Variants in KLHL2 observed in about 807,000 individuals in gnomAD.
KLHL2 encodes kelch like family member 2.
A neutral mutation model predicts 75.8 loss-of-function variants in KLHL2; 15 were observed. That is an observed-to-expected ratio of 0.20 (90% confidence interval 0.13 to 0.30). KLHL2 has a LOEUF of 0.30. KLHL2 is among the 10% of genes least tolerant of loss of function. The pLI is 1.00. For synonymous variants in KLHL2, 214 were observed against 251.9 expected (o/e 0.85, Z 1.42); for missense variants, 381 against 741.0 (o/e 0.51, Z 5.64).
intron 8 of KLHL2, among the ~76,000 whole-genome samples, chr4:165,300,316 A>T (rs1440159448): frequency 6.6e-6 from 1 of 151,794 alleles, no homozygotes; most frequent in East Asian, 1.9e-4. Flanking sequence ...AAAAAAAAAG[A>T]ATTATTTTGT....
intron 3 of KLHL2, among the ~76,000 whole-genome samples, chr4:165,236,185 G>A (rs910943861): frequency 2.6e-5 from 4 of 152,182 alleles, no homozygotes; most frequent in Non-Finnish European, 4.4e-5. Context: ...GAAGAGGAGA[G>A]AATCAAGGAT....
In KLHL2 at chr4:165,231,633, A is replaced by G. The variant is rs140479876; in HGVS notation, c.259+2720A>G. Among the ~76,000 whole-genome samples, 73 of 152,206 alleles carry G rather than the reference A, an allele frequency of 4.8e-4. 1 individual carries two copies. In the East Asian group the frequency reaches 0.011, roughly 24 times the overall value. ...GCTAAATAGCATTCTCTGTGGATAG[A>G]CTGCTTTTGACTTTCCATTTACCAG... is the stretch of plus-strand genomic sequence containing the variant. On this transcript the variant is annotated intron_variant, in intron 3 of 14. Coordinates refer to ENST00000226725, the MANE Select transcript of KLHL2 (RefSeq NM_007246.4).
intron 5 of KLHL2, among the ~76,000 whole-genome samples, chr4:165,288,437 G>T (rs1372193244): frequency 6.6e-6 from 1 of 152,024 alleles, no homozygotes; most frequent in Non-Finnish European, 1.5e-5. Flanking sequence ...TTGTTTTCTT[G>T]CATGGAGAGG....
At chr4:165,231,567 C>T (rs1304723678) in intron 3 of KLHL2, among the ~76,000 whole-genome samples, 1 of 152,116 alleles carries the variant, frequency 6.6e-6, no homozygotes, top group African/African-American at 2.4e-5. Context: ...GAGGTTCATC[C>T]GTGTCATAAA....
intron 7 of KLHL2, among the ~76,000 whole-genome samples, chr4:165,299,072 A>G (rs1315233615): frequency 6.6e-6 from 1 of 151,942 alleles, no homozygotes; most frequent in African/African-American, 2.4e-5. Flanking sequence ...TCTTTTTGGG[A>G]TATTTTACTT....
intron 5 of KLHL2, among the ~76,000 whole-genome samples, chr4:165,274,336 G>T (rs976374267): frequency 1.3e-5 from 2 of 152,062 alleles, no homozygotes; most frequent in African/African-American, 2.4e-5. Flanking sequence ...CGGGCTGGGC[G>T]CAGTGGCTCA....
chr4:165,312,268 G>A (rs1375718963), intron 11 of KLHL2, among the ~76,000 whole-genome samples: 1 of 152,084 alleles, frequency 6.6e-6, no homozygotes, highest in Admixed American at 6.5e-5. Context: ...ACTGTCAACT[G>A]ATTTTAACAG....
At position 165,212,316 on chromosome 4, in the gene KLHL2, G is replaced by T. The variant is rs567323976; in HGVS notation, c.26+4414G>T. On this transcript the variant is annotated intron_variant, in intron 1 of 14. Coordinates refer to ENST00000226725, the MANE Select transcript of KLHL2 (RefSeq NM_007246.4). ...GAATAATAGTTCAGATAGGGTCAGG[G>T]TGTCTTTGACGAGGTGATATTTTAG... Among the ~76,000 whole-genome samples the T allele has an allele frequency of 1.5e-4, 23 of 152,280 alleles. No individual in the cohort carries two copies. The South Asian group carries it at 4.1e-3, about 27-fold the overall frequency.
chr4:165,257,679 C>T (rs1447255366), intron 4 of KLHL2, among the ~76,000 whole-genome samples: 1 of 152,090 alleles, frequency 6.6e-6, no homozygotes, highest in East Asian at 1.9e-4. Context: ...GTAATTTTGT[C>T]TCAAAGGACA....
At chr4:165,269,760 T>G (rs1431969243) in intron 5 of KLHL2, among the ~76,000 whole-genome samples, 1 of 151,940 alleles carries the variant, frequency 6.6e-6, no homozygotes, top group African/African-American at 2.4e-5. Flanking sequence ...TTCCTTCATT[T>G]CAACCTTGGT....
intron 13 of KLHL2, among the ~76,000 whole-genome samples, chr4:165,316,076 G>T (rs915880019): frequency 1.3e-5 from 2 of 152,148 alleles, no homozygotes; most frequent in African/African-American, 4.8e-5. Context: ...CATCCTTTTG[G>T]CAAAGTGATT....
At chr4:165,282,005 C>G (rs1201386470) in intron 5 of KLHL2, among the ~76,000 whole-genome samples, 1 of 152,114 alleles carries the variant, frequency 6.6e-6, no homozygotes, top group Non-Finnish European at 1.5e-5. Flanking sequence ...ACTAATGTCA[C>G]AAGCTATGAT....
chr4:165,249,032 C>T (rs1381011198), intron 4 of KLHL2, among the ~76,000 whole-genome samples: 1 of 152,188 alleles, frequency 6.6e-6, no homozygotes, highest in Non-Finnish European at 1.5e-5. Context: ...GCTTAGATAT[C>T]AGGAAGACAT....
intron 5 of KLHL2, among the ~76,000 whole-genome samples, chr4:165,277,088 A>G (rs1743180358): frequency 6.6e-6 from 1 of 152,202 alleles, no homozygotes; most frequent in East Asian, 1.9e-4. Context: ...ATGCATAACC[A>G]TTGCCCAAAA....
intron 4 of KLHL2, among the ~76,000 whole-genome samples, chr4:165,253,753 G>C (rs1478262878): frequency 1.3e-5 from 2 of 152,160 alleles, no homozygotes; most frequent in African/African-American, 4.8e-5. Context: ...CCCTGTTCTT[G>C]AACTTCATAT....
At chr4:165,253,903 A>C (rs1292012849) in intron 4 of KLHL2, among the ~76,000 whole-genome samples, 1 of 152,232 alleles carries the variant, frequency 6.6e-6, no homozygotes, top group East Asian at 1.9e-4. Flanking sequence ...GGTTTATTAC[A>C]GTTTAGCATG....
At chr4:165,236,624 T>C (rs1044403427) in intron 3 of KLHL2, among the ~76,000 whole-genome samples, 16 of 152,348 alleles carry the variant, frequency 1.1e-4, no homozygotes, top group African/African-American at 3.8e-4. Flanking sequence ...AAGGTAATAA[T>C]GTAACAACTG....
At chr4:165,316,578 T>A (rs28683667) in intron 13 of KLHL2, among the ~76,000 whole-genome samples, 9 of 152,162 alleles carry the variant, frequency 5.9e-5, no homozygotes, top group Non-Finnish European at 1.3e-4. Flanking sequence ...AATGTACTTT[T>A]AAAAAATTAC....
chr4:165,241,664 G>C (rs747148651), intron 4 of KLHL2, among the ~76,000 whole-genome samples: 2 of 152,182 alleles, frequency 1.3e-5, no homozygotes, highest in Non-Finnish European at 2.9e-5. Context: ...ATGTTTTGAT[G>C]CAGAATCATT....
Sources: allele counts gnomAD v4.1 joint callset (sites outside exome capture counted in the v4.1 genomes callset), GRCh38; gene constraint gnomAD v4.1.1; transcripts MANE v1.5; gene names NCBI Gene and HGNC (gene_info 2026-07-23, HGNC 2026-07-21).